Variants in DOCK8 observed in about 807,000 individuals in gnomAD.
DOCK8 encodes the protein dedicator of cytokinesis 8.
DOCK8 carries 141 observed loss-of-function variants against 245.6 expected under a neutral mutation model. The ratio of observed to expected loss-of-function variants is 0.57; its 90% CI spans 0.50 to 0.66. The LOEUF (loss-of-function observed/expected upper bound fraction) is 0.66. Ranked by LOEUF, DOCK8 falls within the 30% of genes least tolerant of loss-of-function variation. DOCK8 has a pLI of 0.00. For synonymous variants in DOCK8, 1,168 were observed against 970.2 expected, an observed-to-expected ratio of 1.20 and a Z score of -3.79; for missense variants, 2,965 against 2,603.4, an observed-to-expected ratio of 1.14 and a Z score of -3.02.
At chr9:333,293 C>CCAGTGTG (rs2051114537) in intron 10 of DOCK8, among the ~76,000 whole-genome samples, 2 of 152,224 alleles carry the variant, frequency 1.3e-5, no homozygotes, top group Admixed American at 1.3e-4. Flanking sequence ...GCAAAGATTC[C>CCAGTGTG]CAGTGTGATT....
chr9:309,355 T>C (rs1261233751), intron 5 of DOCK8, among the ~76,000 whole-genome samples: 2 of 152,180 alleles, frequency 1.3e-5, no homozygotes, highest in African/African-American at 4.8e-5. Context: ...AGTAGAGTAG[T>C]ACTTTTGTGA....
At chr9:428,238 T>C in intron 34 of DOCK8, 124 bp from the exon 35 acceptor site, 7 of 1,481,464 alleles carry the variant, frequency 4.7e-6, no homozygotes, top group Non-Finnish European at 6.5e-6. Flanking sequence ...CCATGGTGGC[T>C]CACCAAACTC....
rs550106274 is a variant in DOCK8 at position 387,460 on chromosome 9, A to T, written c.2874+1034A>T. 1.1e-4 allele frequency among the ~76,000 whole-genome samples: 16 copies of T among 152,218 alleles called. No individual in the cohort carries two copies. In the East Asian group the frequency reaches 3.1e-3, roughly 29 times the overall value. ...TCCATTTCAAAAAAAAAAAAAAAGA[A>T]AAAAAGGGTAAATATGCTTATTGCA... is the stretch of plus-strand genomic sequence containing the variant. On this transcript the variant is annotated intron_variant, in intron 23 of 47. Transcript: ENST00000432829.
chr9:299,280 T>G (rs2049416233), intron 4 of DOCK8, among the ~76,000 whole-genome samples: 1 of 152,184 alleles, frequency 6.6e-6, no homozygotes, highest in Non-Finnish European at 1.5e-5. Flanking sequence ...CATTTATATT[T>G]GTGAGAGTGA....
chr9:443,616 A>G, intron 43 of DOCK8, 100 bp downstream of exon 43: 1 of 939,146 alleles, frequency 1.1e-6, no homozygotes, highest in South Asian at 1.4e-5. Flanking sequence ...TCTCCAAGTC[A>G]CTTAAATGCA....
At chr9:276,204 T>C (rs2048341256) in intron 2 of DOCK8, among the ~76,000 whole-genome samples, 1 of 152,186 alleles carries the variant, frequency 6.6e-6, no homozygotes, top group African/African-American at 2.4e-5. Context: ...TTAAAAAAAC[T>C]TTAAAGGTAG....
Position 441,859 on chromosome 9 carries a change from A to G in DOCK8, c.5356-16A>G. The G allele has an allele frequency of 6.2e-7, 1 of 1,614,100 alleles. No individual in the cohort carries two copies. Among genetic ancestry groups the G allele is most frequent in the Non-Finnish European group, 8.5e-7 (1 of 1,180,010 alleles). ...ATGACATAACTAAGGAGAGCTTTTT[A>G]TATTTTGTTCCTCAGGATCATAAGA... On this transcript the variant is annotated splice_polypyrimidine_tract_variant and intron_variant, in intron 41 of 47. Coordinates refer to ENST00000432829, the MANE Select transcript of DOCK8 (RefSeq NM_203447.4).
In DOCK8 at chr9:372,174, A is replaced by G. The variant is rs749868210; in HGVS notation, c.2008-11A>G. Reference sequence around the variant, plus strand: ...TAAATACCACTTTATTATTTACATCATCTGTTTCAGTGGCTGCCAATTCTC... The same window carrying G: ...TAAATACCACTTTATTATTTACATCGTCTGTTTCAGTGGCTGCCAATTCTC... On this transcript the variant is annotated splice_polypyrimidine_tract_variant and intron_variant, in intron 17 of 47. Coordinates refer to ENST00000432829, the MANE Select transcript of DOCK8 (RefSeq NM_203447.4). The G allele has an allele frequency of 5.3e-5, 85 of 1,608,180 alleles. No individual in the cohort carries two copies. The highest frequency in any genetic ancestry group is 6.7e-5 in the East Asian group (3 of 44,872).
At position 429,926 on chromosome 9, in the gene DOCK8, A is replaced by G. The variant is rs535730151; in HGVS notation, c.4626+72A>G. 1.6e-4 allele frequency: 251 copies of G among 1,570,678 alleles called. No individual in the cohort carries two copies. The highest frequency in any genetic ancestry group is 1.0e-3 in the African/African-American group (74 of 74,230). On this transcript the variant is annotated intron_variant, in intron 36 of 47. Transcript: ENST00000432829. ...TTGATGTAAAGCATCAGCTGCGAAA[A>G]AAAATAAGGAAATTTTGCAGTATTG... is the stretch of plus-strand genomic sequence containing the variant.
chr9:244,288 A>G (rs181715053), intron 1 of DOCK8, among the ~76,000 whole-genome samples: 81 of 151,924 alleles, frequency 5.3e-4, no homozygotes, highest in Non-Finnish European at 8.8e-5. Flanking sequence ...ACACACACAC[A>G]CACACGCACA....
At chr9:371,228 T>C (rs2053271687) in intron 16 of DOCK8, among the ~76,000 whole-genome samples, 200 bp from the exon 17 acceptor site, 1 of 152,138 alleles carries the variant, frequency 6.6e-6, no homozygotes, top group Non-Finnish European at 1.5e-5. Flanking sequence ...CTTTAGTTCA[T>C]GAACAGTTTT....
chr9:427,133 G>T, intron 34 of DOCK8, 152 bp downstream of exon 34: 1 of 694,292 alleles, frequency 1.4e-6, no homozygotes, highest in Non-Finnish European at 2.5e-6. Flanking sequence ...ATTTACAACA[G>T]TGTCTACCTT....
chr9:254,277 T>C (rs945027043), intron 1 of DOCK8, among the ~76,000 whole-genome samples: 2 of 152,104 alleles, frequency 1.3e-5, no homozygotes, highest in African/African-American at 4.8e-5. Context: ...AAAAAGACCA[T>C]CCTCCTAAAC....
chr9:263,115 G>C (rs1046774682), intron 1 of DOCK8, among the ~76,000 whole-genome samples: 2 of 152,074 alleles, frequency 1.3e-5, no homozygotes, highest in African/African-American at 4.8e-5. Context: ...GCTGAGGCTG[G>C]AGAATCGCTT....
intron 46 of DOCK8, chr9:460,346 G>A (rs1030594856): frequency 3.3e-5 from 5 of 152,200 alleles, no homozygotes; most frequent in African/African-American, 4.8e-5. Flanking sequence ...AAAGTTGTCC[G>A]AGTAGACTTC....
intron 30 of DOCK8, among the ~76,000 whole-genome samples, chr9:418,553 C>T (rs1334926623): frequency 6.6e-6 from 1 of 152,238 alleles, no homozygotes; most frequent in East Asian, 1.9e-4. Flanking sequence ...CAGGCGTGAG[C>T]CACTGTGCCC....
chr9:325,786 G>A lies in DOCK8; in HGVS notation c.894+49G>A, dbSNP rs767996723. 4.0e-6 allele frequency: 6 copies of A among 1,491,684 alleles called. No individual in the cohort carries two copies. The African/African-American group carries it at 8.9e-5, about 22-fold the overall frequency. The allele number at this position is 1,491,684 out of a possible 1,614,324, so 92.4% of individuals were successfully genotyped here. ...TCCCTAAGGCACATATATTGTTCATGATTCTTTGCATGTATGTTTTTAAAT... is the reference window on the plus strand; with the variant it reads ...TCCCTAAGGCACATATATTGTTCATAATTCTTTGCATGTATGTTTTTAAAT... On this transcript the variant is annotated intron_variant, in intron 8 of 47. Coordinates refer to ENST00000432829, the MANE Select transcript of DOCK8 (RefSeq NM_203447.4).
rs751293907 is a variant in DOCK8, at chr9:446,549, C to G, written c.5760C>G (p.Thr1920=). The part of the protein sequence containing the change: ...HEQYRRNTVL[T]TMHAFPYIKT... ...AGTACAGAAGGAACACAGTCCTGAC[C>G]ACTATGCACGCCTTCCCCTACATCA... The change falls in exon 44 of 48, where the codon ACC becomes ACG. Residue 1920 remains threonine, a synonymous_variant. Transcript: ENST00000432829. 1.1e-5 allele frequency: 18 copies of G among 1,614,104 alleles called. No homozygotes were observed. In the South Asian group the frequency reaches 2.0e-4, roughly 18 times the overall value.
In DOCK8 at chr9:404,924, G is replaced by T; in HGVS notation, c.3241G>T (p.Ala1081Ser). Residue 1081 changes from alanine (A) to serine (S), a missense_variant, in exon 27 of 48, where the codon GCC becomes TCC. By Grantham distance (99) the Ala-to-Ser change is moderately conservative. Coordinates refer to ENST00000432829, the MANE Select transcript of DOCK8 (RefSeq NM_203447.4). ...LIRHYCSQLSAKLSNLPTLIS... is the reference protein window; with the variant it reads ...LIRHYCSQLSSKLSNLPTLIS... ...TTTTCATTTTTCTTCCCAGCTGTCA[G>T]CCAAGCTCAGTAACCTTCCAACGCT... is the stretch of plus-strand genomic sequence containing the variant. 6.2e-7 allele frequency: 1 copy of T among 1,613,942 alleles called. No homozygotes were observed. Among genetic ancestry groups the T allele is most frequent in the Non-Finnish European group, 8.5e-7 (1 of 1,180,004 alleles).
Sources: gnomAD v4.1 joint callset for allele counts (sites outside exome capture counted in the v4.1 genomes callset) on GRCh38, gnomAD v4.1.1 for gene constraint, MANE v1.5 for transcripts, NCBI Gene and HGNC (gene_info 2026-07-23, HGNC 2026-07-21) for gene names.